The following CCDC102B variants were observed in gnomAD, a reference collection of about 807,000 sequenced individuals.
CCDC102B encodes coiled-coil domain containing 102B.
CCDC102B carries 75 observed loss-of-function variants against 57.4 expected under a neutral mutation model. The ratio of observed to expected loss-of-function variants is 1.31; its 90% CI spans 1.08 to 1.58. The LOEUF is 1.58. CCDC102B is among the 40% of genes most tolerant of loss of function. The pLI is 0.00. For missense variants in CCDC102B, 636 were observed against 582.6 expected (o/e 1.09, Z -0.94); for synonymous variants, 206 against 201.9 (o/e 1.02, Z -0.17).
intron 1 of CCDC102B, among the ~76,000 whole-genome samples, chr18:68,816,765 C>G (rs1348007209): frequency 1.3e-5 from 2 of 152,108 alleles, no homozygotes; most frequent in Admixed American, 1.3e-4. Flanking sequence ...CACCCAGCCT[C>G]CTTTTCCCTT....
At chr18:68,983,544 C>A (rs980184157) in intron 6 of CCDC102B, among the ~76,000 whole-genome samples, 9 of 151,850 alleles carry the variant, frequency 5.9e-5, no homozygotes, top group Non-Finnish European at 1.3e-4. Context: ...ATATTGGATT[C>A]TTTTTTCCCT....
At chr18:68,832,001 C>T (rs1297588515) in intron 1 of CCDC102B, among the ~76,000 whole-genome samples, 2 of 151,862 alleles carry the variant, frequency 1.3e-5, no homozygotes, top group African/African-American at 4.8e-5. Context: ...TCGTATCTAT[C>T]ATAATGGTTG....
intron 6 of CCDC102B, among the ~76,000 whole-genome samples, chr18:68,911,592 A>T (rs1207114299): frequency 1.3e-5 from 2 of 150,076 alleles, no homozygotes; most frequent in Admixed American, 6.6e-5. Context: ...CTCTACTAAA[A>T]ATACAAAAAA....
At chr18:68,828,421 C>A (rs1462536886) in intron 1 of CCDC102B, among the ~76,000 whole-genome samples, 2 of 138,554 alleles carry the variant, frequency 1.4e-5, no homozygotes, top group African/African-American at 2.6e-5. Context: ...AACTAAAAAT[C>A]AACAGCAGAA....
intron 7 of CCDC102B, among the ~76,000 whole-genome samples, chr18:69,038,890 T>C (rs1043724431): frequency 6.6e-6 from 1 of 152,146 alleles, no homozygotes; most frequent in East Asian, 1.9e-4. Context: ...TAAATGCATA[T>C]CCATAAATCT....
At chr18:68,975,474 T>A (rs1262086630) in intron 6 of CCDC102B, among the ~76,000 whole-genome samples, 1 of 152,072 alleles carries the variant, frequency 6.6e-6, no homozygotes, top group Admixed American at 6.6e-5. Flanking sequence ...TGTGAATTAA[T>A]TTTTCTAATC....
chr18:68,777,226 A>G (rs567149248), intron 2 of CCDC102B, among the ~76,000 whole-genome samples: 1 of 152,314 alleles, frequency 6.6e-6, no homozygotes, highest in East Asian at 1.9e-4. Flanking sequence ...CAAGATCAAG[A>G]CGTACACATG....
At chr18:69,025,408 T>C (rs2051957593) in intron 7 of CCDC102B, among the ~76,000 whole-genome samples, 1 of 152,208 alleles carries the variant, frequency 6.6e-6, no homozygotes, top group Non-Finnish European at 1.5e-5. Flanking sequence ...CCTATATTCA[T>C]GCCAAGAGAG....
chr18:68,845,014 A>AT (rs2037798296), intron 3 of CCDC102B, among the ~76,000 whole-genome samples: 2 of 151,816 alleles, frequency 1.3e-5, no homozygotes, highest in Admixed American at 1.3e-4. Flanking sequence ...GCTTTGCACC[A>AT]TTTTTTTGCA....
intron 4 of CCDC102B, among the ~76,000 whole-genome samples, chr18:68,858,659 C>A (rs1437547403): frequency 6.6e-6 from 1 of 151,960 alleles, no homozygotes; most frequent in African/African-American, 2.4e-5. Flanking sequence ...TTGAGGTACG[C>A]CTCAGTTTTC....
chr18:68,869,805 G>A (rs746299905), intron 4 of CCDC102B, among the ~76,000 whole-genome samples: 3 of 151,986 alleles, frequency 2.0e-5, no homozygotes, highest in Non-Finnish European at 4.4e-5. Flanking sequence ...CCATGCCTAT[G>A]TCCTGAATGG....
At chr18:68,816,605 A>C (rs1422686798) in intron 1 of CCDC102B, among the ~76,000 whole-genome samples, 1 of 151,766 alleles carries the variant, frequency 6.6e-6, no homozygotes, top group Non-Finnish European at 1.5e-5. Flanking sequence ...AGCTGGGACT[A>C]CAGGCGCCCG....
intron 2 of CCDC102B, among the ~76,000 whole-genome samples, chr18:68,792,054 T>A (rs2035480366): frequency 2.0e-5 from 3 of 152,220 alleles, no homozygotes; most frequent in Admixed American, 2.0e-4. Flanking sequence ...TCCACAGTGC[T>A]GAGTTGGAGA....
At chr18:68,888,347 A>T (rs1229241584) in intron 5 of CCDC102B, among the ~76,000 whole-genome samples, 1 of 152,204 alleles carries the variant, frequency 6.6e-6, no homozygotes, top group African/African-American at 2.4e-5. Context: ...TGTTTTAAAC[A>T]ATCAGATTAG....
chr18:68,828,905 G>A (rs769438073), intron 1 of CCDC102B, among the ~76,000 whole-genome samples: 14 of 151,758 alleles, frequency 9.2e-5, no homozygotes, highest in African/African-American at 1.9e-4. Flanking sequence ...TCATCAAGAC[G>A]TGTATGACAA....
At chr18:68,738,148 A>G (rs1267890040) in intron 2 of CCDC102B, among the ~76,000 whole-genome samples, 1 of 152,086 alleles carries the variant, frequency 6.6e-6, no homozygotes, top group Non-Finnish European at 1.5e-5. Flanking sequence ...TGGTTCTTGC[A>G]TGCTGTGGGA....
intron 7 of CCDC102B, among the ~76,000 whole-genome samples, chr18:69,040,808 A>C (rs974306488): frequency 6.6e-6 from 1 of 152,070 alleles, no homozygotes; most frequent in Non-Finnish European, 1.5e-5. Context: ...AACTTAAAAA[A>C]TCTGTTTCTG....
chr18:69,004,507 GA>G (rs1281457069), intron 6 of CCDC102B, among the ~76,000 whole-genome samples: 2 of 152,146 alleles, frequency 1.3e-5, no homozygotes, highest in Admixed American at 6.5e-5. Context: ...GTTGTTGTGA[GA>G]CAGATTTTCC....
intron 2 of CCDC102B, among the ~76,000 whole-genome samples, chr18:68,767,196 G>T (rs991314265): frequency 6.6e-6 from 1 of 152,186 alleles, no homozygotes; most frequent in Non-Finnish European, 1.5e-5. Context: ...CTCATTTCTT[G>T]TAGTGTTATG....
Sources: allele counts gnomAD v4.1 joint callset (sites outside exome capture counted in the v4.1 genomes callset), GRCh38; gene constraint gnomAD v4.1.1; transcripts MANE v1.5; gene names NCBI Gene and HGNC (gene_info 2026-07-23, HGNC 2026-07-21).